The following PRKN variants were observed in gnomAD, a reference collection of about 807,000 sequenced individuals.
PRKN encodes E3 ubiquitin-protein ligase parkin.
In PRKN, 56 loss-of-function variants were observed where a neutral mutation model predicts 59.5. The ratio of observed to expected loss-of-function variants is 0.94; its 90% confidence interval spans 0.76 to 1.18. The LOEUF (loss-of-function observed/expected upper bound fraction) is 1.18. PRKN is among the 50% of genes most tolerant of loss of function. The pLI, the probability that PRKN is intolerant of heterozygous loss-of-function variation, is 0.00. For missense variants in PRKN, 657 were observed against 596.4 expected, an observed-to-expected ratio of 1.10 and a Z score of -1.06; for synonymous variants, 250 against 222.1, an observed-to-expected ratio of 1.13 and a Z score of -1.12.
intron 5 of PRKN, among the ~76,000 whole-genome samples, chr6:162,028,409 G>A (rs999632332): frequency 2.0e-5 from 3 of 152,188 alleles, no homozygotes; most frequent in Admixed American, 6.5e-5. Context: ...GGTTTGGGGC[G>A]AGGCAGGGGA....
At position 162,549,223 on chromosome 6, in the gene PRKN, CA is replaced by C. The variant is rs1201455963; in HGVS notation, c.8-105751del. Among the ~76,000 whole-genome samples the C allele has an allele frequency of 2.6e-5, 4 of 152,242 alleles. No individual in the cohort carries two copies. The East Asian group carries it at 7.7e-4, about 29-fold the overall frequency. On this transcript the variant is annotated intron_variant, in intron 1 of 11. Transcript: ENST00000366898. ...CCAGAAGACGGCCCTCCTTCAAACC[CA>C]GAACTTGCGGACACCTGACTTCCAG...
At chr6:161,806,541 G>T (rs368443554) in intron 6 of PRKN, among the ~76,000 whole-genome samples, 7 of 152,114 alleles carry the variant, frequency 4.6e-5, no homozygotes, top group African/African-American at 1.7e-4. Context: ...TGGCTATGAA[G>T]CACCTCACCA....
chr6:161,642,280 A>T (rs984993537), intron 7 of PRKN, among the ~76,000 whole-genome samples: 1 of 152,246 alleles, frequency 6.6e-6, no homozygotes, highest in Non-Finnish European at 1.5e-5. Flanking sequence ...AAATTAAAAA[A>T]TAGATTTAGA....
chr6:162,658,031 A>C (rs1778716373), intron 1 of PRKN, among the ~76,000 whole-genome samples: 1 of 152,228 alleles, frequency 6.6e-6, no homozygotes, highest in African/African-American at 2.4e-5. Context: ...ATTTATGACA[A>C]GGCATGCAAC....
At chr6:161,887,080 A>G (rs1041307048) in intron 6 of PRKN, among the ~76,000 whole-genome samples, 2 of 152,224 alleles carry the variant, frequency 1.3e-5, no homozygotes, top group Admixed American at 1.3e-4. Context: ...TTCTCTCCCA[A>G]TAATGAAGTA....
At chr6:161,509,821 A>C (rs1416386580) in intron 9 of PRKN, among the ~76,000 whole-genome samples, 7 of 143,936 alleles carry the variant, frequency 4.9e-5, no homozygotes, top group African/African-American at 7.8e-5. Context: ...CAGAGGTTGC[A>C]GTGAGCCGAG....
At chr6:162,051,557 T>C (rs1450825949) in intron 5 of PRKN, among the ~76,000 whole-genome samples, 1 of 152,116 alleles carries the variant, frequency 6.6e-6, no homozygotes, top group African/African-American at 2.4e-5. Flanking sequence ...GTGGCCTTTG[T>C]GAGAAAGGCT....
chr6:161,387,280 G>A (rs1295533990), intron 9 of PRKN, among the ~76,000 whole-genome samples: 1 of 152,178 alleles, frequency 6.6e-6, no homozygotes, highest in Non-Finnish European at 1.5e-5. Flanking sequence ...TGCTATTCTT[G>A]TGATAGTGAG....
chr6:162,562,688 GAT>G (rs1362902343), intron 1 of PRKN, among the ~76,000 whole-genome samples: 1 of 152,172 alleles, frequency 6.6e-6, no homozygotes, highest in Non-Finnish European at 1.5e-5. Flanking sequence ...ATACCAGGTT[GAT>G]GTCTAAGACT....
At chr6:162,522,161 T>C (rs1287975912) in intron 1 of PRKN, among the ~76,000 whole-genome samples, 1 of 152,234 alleles carries the variant, frequency 6.6e-6, no homozygotes, top group Non-Finnish European at 1.5e-5. Flanking sequence ...TCTGGCTCTA[T>C]CACCCAGGCT....
At chr6:161,923,554 C>A (rs113543161) in intron 6 of PRKN, among the ~76,000 whole-genome samples, 11 of 152,158 alleles carry the variant, frequency 7.2e-5, no homozygotes, top group Non-Finnish European at 1.3e-4. Flanking sequence ...AAAAACTGTT[C>A]TTCACCTAGG....
chr6:161,718,295 G>A (rs1033166645), intron 7 of PRKN, among the ~76,000 whole-genome samples: 2 of 152,110 alleles, frequency 1.3e-5, no homozygotes, highest in African/African-American at 2.4e-5. Context: ...CTGGCATCCA[G>A]GGTGCAACTG....
At chr6:162,578,696 T>A (rs1222549392) in intron 1 of PRKN, among the ~76,000 whole-genome samples, 1 of 152,262 alleles carries the variant, frequency 6.6e-6, no homozygotes. Context: ...TTAAATGTTT[T>A]GCTCTAAGCA....
intron 2 of PRKN, among the ~76,000 whole-genome samples, chr6:162,370,902 T>A (rs1448898949): frequency 6.6e-6 from 1 of 152,166 alleles, no homozygotes; most frequent in Admixed American, 6.6e-5. Flanking sequence ...ACGGGCATCA[T>A]TGAACAAATG....
intron 6 of PRKN, among the ~76,000 whole-genome samples, chr6:161,968,756 T>TA (rs1253493184): frequency 1.3e-5 from 2 of 152,156 alleles, no homozygotes; most frequent in African/African-American, 4.8e-5. Context: ...GAATTTGATT[T>TA]ATCTCCAGGA....
chr6:162,431,326 C>T (rs192961744), intron 2 of PRKN, among the ~76,000 whole-genome samples: 2 of 152,268 alleles, frequency 1.3e-5, no homozygotes, highest in East Asian at 3.9e-4. Context: ...CGCACAGAAA[C>T]TTAAGGAGGG....
intron 2 of PRKN, among the ~76,000 whole-genome samples, chr6:162,360,751 C>T (rs563669571): frequency 8.8e-4 from 134 of 152,290 alleles, no homozygotes; most frequent in Admixed American, 1.8e-3. Context: ...CTCATTACTT[C>T]TATGTTTCCG....
At chr6:162,425,120 T>TA in intron 2 of PRKN, among the ~76,000 whole-genome samples, 1 of 152,258 alleles carries the variant, frequency 6.6e-6, no homozygotes, top group South Asian at 2.1e-4. Flanking sequence ...GACCTGATAC[T>TA]AGACCTTACA....
At chr6:161,676,888 A>G (rs531953398) in intron 7 of PRKN, among the ~76,000 whole-genome samples, 7 of 152,244 alleles carry the variant, frequency 4.6e-5, no homozygotes, top group Non-Finnish European at 8.8e-5. Flanking sequence ...TGAGAAAAAA[A>G]CAGCTCCTTG....
Sources: gnomAD v4.1 joint callset for allele counts (sites outside exome capture counted in the v4.1 genomes callset) on GRCh38, gnomAD v4.1.1 for gene constraint, MANE v1.5 for transcripts, NCBI Gene and HGNC (gene_info 2026-07-23, HGNC 2026-07-21) for gene names.